SESN1: variants seen among roughly 807,000 people sequenced by gnomAD.
SESN1 encodes the protein sestrin-1.
In SESN1, 30 loss-of-function variants were observed where a neutral mutation model predicts 59.3. The observed-to-expected ratio is 0.51, with a 90% CI of 0.38 to 0.69. The LOEUF (loss-of-function observed/expected upper bound fraction) is 0.69, where lower values mean the gene tolerates loss of function less well. Ranked by LOEUF, SESN1 falls within the 30% of genes least tolerant of loss-of-function variation. The pLI is 0.00. For missense variants in SESN1, 566 were observed against 673.0 expected (o/e 0.84, Z 1.76); for synonymous variants, 197 against 219.9 (o/e 0.90, Z 0.92).
chr6:109,034,400 G>T (rs992907333), intron 1 of SESN1, among the ~76,000 whole-genome samples: 5 of 152,022 alleles, frequency 3.3e-5, no homozygotes, highest in East Asian at 1.9e-4. Flanking sequence ...ACATATTATA[G>T]AATCTATATT....
chr6:109,078,766 AC>A (rs1781071187), intron 1 of SESN1, among the ~76,000 whole-genome samples: 1 of 152,174 alleles, frequency 6.6e-6, no homozygotes, highest in South Asian at 2.1e-4. Flanking sequence ...ATGAATTCTA[AC>A]CTTATCTTTA....
At chr6:109,029,290 T>C (rs1488545227) in intron 1 of SESN1, among the ~76,000 whole-genome samples, 1 of 152,150 alleles carries the variant, frequency 6.6e-6, no homozygotes, top group African/African-American at 2.4e-5. Flanking sequence ...ACAATAGAAA[T>C]CACGGGTTAA....
chr6:109,051,234 T>C (rs1223103938), intron 1 of SESN1, among the ~76,000 whole-genome samples: 3 of 152,134 alleles, frequency 2.0e-5, no homozygotes, highest in Admixed American at 6.5e-5. Flanking sequence ...AGCTTTAAAA[T>C]TGGTTTTATA....
In SESN1 at chr6:109,093,981, G is replaced by C; in HGVS notation, c.93C>G (p.Thr31=). ...GAAGATACTCGGTTTTCCTCAAAAT[G>C]GTTTGCCTAATGTTTTCCAATGCTG... ...RETALENIRQ[T]ILRKTEYLRS... The change falls in exon 1 of 10, where the codon ACC becomes ACG. Residue 31 remains threonine (T), a synonymous_variant. Coordinates refer to ENST00000436639, the MANE Select transcript of SESN1 (RefSeq NM_014454.3). 2 of 1,614,154 alleles carry C rather than the reference G, an allele frequency of 1.2e-6. No individual in the cohort carries two copies. Among genetic ancestry groups the C allele is most frequent in the South Asian group, 1.1e-5 (1 of 91,080 alleles).
intron 4 of SESN1, 102 bp from the exon 5 acceptor site, chr6:108,998,857 C>CAA (rs1169489559): frequency 1.9e-5 from 25 of 1,322,806 alleles, no homozygotes; most frequent in Non-Finnish European, 2.4e-5. Context: ...AGTCATCATA[C>CAA]AAAGCCTAGC....
chr6:109,072,765 TTAAAG>T (rs1003285985), intron 1 of SESN1, among the ~76,000 whole-genome samples: 10 of 152,106 alleles, frequency 6.6e-5, no homozygotes. Context: ...TTCAAGGAGT[TTAAAG>T]TAAACAGGAA....
At chr6:109,093,537 A>G (rs1289886711) in intron 1 of SESN1, among the ~76,000 whole-genome samples, 1 of 152,236 alleles carries the variant, frequency 6.6e-6, no homozygotes. Flanking sequence ...TTCCAACAAC[A>G]TGTAAAAAGA....
At chr6:109,040,492 G>A (rs1436682930) in intron 1 of SESN1, among the ~76,000 whole-genome samples, 1 of 151,962 alleles carries the variant, frequency 6.6e-6, no homozygotes, top group East Asian at 1.9e-4. Context: ...CTCATTCCTT[G>A]TGTACATACT....
At chr6:108,994,364 G>T (rs912834924) in intron 6 of SESN1, 98 bp downstream of exon 6, 4 of 953,970 alleles carry the variant, frequency 4.2e-6, no homozygotes, top group Admixed American at 2.4e-5. Context: ...CTAAAAGGAA[G>T]GACATATTTA....
intron 3 of SESN1, 62 bp downstream of exon 3, chr6:109,001,226 C>A: frequency 1.5e-6 from 2 of 1,370,598 alleles, no homozygotes; most frequent in East Asian, 2.3e-5. Flanking sequence ...AAAGCATTAA[C>A]TGTCTCTTAA....
At chr6:108,989,604 T>C (rs542046900) in intron 8 of SESN1, among the ~76,000 whole-genome samples, 3 of 150,906 alleles carry the variant, frequency 2.0e-5, no homozygotes, top group Middle Eastern at 3.2e-3. Flanking sequence ...TAGAGAGAGA[T>C]AGATATCTCT....
intron 1 of SESN1, among the ~76,000 whole-genome samples, chr6:109,030,805 T>C (rs1780171369): frequency 6.6e-6 from 1 of 152,220 alleles, no homozygotes; most frequent in South Asian, 2.1e-4. Context: ...ACAACAACCT[T>C]GTAAGATGTA....
chr6:109,091,248 C>G (rs1781313387), intron 1 of SESN1, among the ~76,000 whole-genome samples: 1 of 152,162 alleles, frequency 6.6e-6, no homozygotes, highest in African/African-American at 2.4e-5. Flanking sequence ...AGTACAGTGA[C>G]ACGCTGTACG....
At chr6:109,069,003 T>G (rs1302078331) in intron 1 of SESN1, among the ~76,000 whole-genome samples, 1 of 152,086 alleles carries the variant, frequency 6.6e-6, no homozygotes, top group Non-Finnish European at 1.5e-5. Flanking sequence ...ATTACAGGTG[T>G]GAGCCACCGC....
chr6:108,993,121 A>G (rs1338660023), intron 6 of SESN1: 1 of 444,006 alleles, frequency 2.3e-6, no homozygotes, highest in African/African-American at 2.0e-5. Flanking sequence ...TGAATTCTCT[A>G]TGCCTTTTAT....
At chr6:109,074,614 C>T (rs1780999608) in intron 1 of SESN1, among the ~76,000 whole-genome samples, 1 of 152,110 alleles carries the variant, frequency 6.6e-6, no homozygotes, top group Non-Finnish European at 1.5e-5. Flanking sequence ...ATAAATAACA[C>T]AAAATTGATA....
chr6:109,009,853 A>G (rs1385331731), intron 1 of SESN1, among the ~76,000 whole-genome samples: 1 of 152,070 alleles, frequency 6.6e-6, no homozygotes, highest in Non-Finnish European at 1.5e-5. Flanking sequence ...GGACAGGGGA[A>G]TCTGCCCCCT....
intron 8 of SESN1, among the ~76,000 whole-genome samples, chr6:108,989,958 T>C (rs1158792995): frequency 6.6e-6 from 1 of 152,180 alleles, no homozygotes; most frequent in Non-Finnish European, 1.5e-5. Context: ...GGAAATTAGT[T>C]TAAAGTTGGT....
chr6:109,042,309 C>T lies in SESN1; in HGVS notation c.280-39966G>A, dbSNP rs895412321. Among the ~76,000 whole-genome samples, 6 of 151,130 alleles carry T rather than the reference C, an allele frequency of 4.0e-5. No individual in the cohort carries two copies. In the East Asian group the frequency reaches 1.2e-3, roughly 29 times the overall value. On this transcript the variant is annotated intron_variant, in intron 1 of 9. Coordinates refer to ENST00000436639, the MANE Select transcript of SESN1 (RefSeq NM_014454.3). ...TGTCAAGAGCCTAGGGAAAGAAGAG[C>T]AGTATAAACTGAGAATCAAGCAGAC...
Sources: gnomAD v4.1 joint callset for allele counts (sites outside exome capture counted in the v4.1 genomes callset) on GRCh38, gnomAD v4.1.1 for gene constraint, MANE v1.5 for transcripts, NCBI Gene and HGNC (gene_info 2026-07-23, HGNC 2026-07-21) for gene names.